PRKCA: variants seen among roughly 807,000 people sequenced by gnomAD.
The protein encoded by PRKCA is protein kinase C alpha type.
A neutral mutation model predicts 87.0 loss-of-function variants in PRKCA; 27 were observed. That is an observed-to-expected ratio of 0.31 (90% CI 0.23 to 0.43). The LOEUF (loss-of-function observed/expected upper bound fraction) is 0.43. PRKCA is among the 20% of genes least tolerant of loss of function. PRKCA has a pLI of 1.00. For synonymous variants in PRKCA, 329 were observed against 311.1 expected (o/e 1.06, Z -0.61); for missense variants, 518 against 852.3 (o/e 0.61, Z 4.88).
At chr17:66,468,740 C>T (rs533352274) in intron 2 of PRKCA, among the ~76,000 whole-genome samples, 2 of 152,062 alleles carry the variant, frequency 1.3e-5, no homozygotes, top group African/African-American at 4.8e-5. Flanking sequence ...GTGGGAGGGG[C>T]GAGAGCTAAC....
At chr17:66,325,916 T>C (rs1905953378) in intron 2 of PRKCA, among the ~76,000 whole-genome samples, 1 of 152,182 alleles carries the variant, frequency 6.6e-6, no homozygotes, top group Non-Finnish European at 1.5e-5. Flanking sequence ...TGTAAAGTTT[T>C]AGGTTTTAGG....
At chr17:66,637,497 TGGAAGTCTAAGGCCATA>T (rs1971177505) in intron 3 of PRKCA, among the ~76,000 whole-genome samples, 1 of 152,160 alleles carries the variant, frequency 6.6e-6, no homozygotes, top group Admixed American at 6.5e-5. Flanking sequence ...TCCCTAATGG[TGGAAGTCTAAGGCCATA>T]CTTCAGACCG....
chr17:66,762,306 A>G (rs928894629), intron 13 of PRKCA, among the ~76,000 whole-genome samples: 3 of 152,214 alleles, frequency 2.0e-5, no homozygotes, highest in Non-Finnish European at 2.9e-5. Context: ...GTTAGGCAGT[A>G]TGGAGTTATG....
intron 2 of PRKCA, among the ~76,000 whole-genome samples, chr17:66,399,522 G>A (rs1430840497): frequency 8.5e-5 from 13 of 152,210 alleles, no homozygotes; most frequent in Admixed American, 8.5e-4. Context: ...CAGTTTGGTA[G>A]TGTTAAGTAG....
chr17:66,448,571 T>C (rs1488004643), intron 2 of PRKCA, among the ~76,000 whole-genome samples: 1 of 152,142 alleles, frequency 6.6e-6, no homozygotes, highest in African/African-American at 2.4e-5. Flanking sequence ...TATATTAAAA[T>C]AAAGTCACAC....
In PRKCA at chr17:66,564,024, T is replaced by C. The variant is rs8067219; in HGVS notation, c.288+67741T>C. ...CTTCCTCCTTTCTTTCTCTCTCTCT[T>C]TCTTTCTTCCTCTCTTCCTTCCTTT... On this transcript the variant is annotated intron_variant, in intron 3 of 16. Transcript: ENST00000413366. Among the ~76,000 whole-genome samples, 619 of 135,278 alleles carry C rather than the reference T, an allele frequency of 4.6e-3. 6 individuals carry two copies. Among genetic ancestry groups the C allele is most frequent in the Middle Eastern group, 0.022 (6 of 270 alleles). 88.7% of individuals were successfully genotyped at this position (135,278 alleles called of 152,430 possible).
At chr17:66,671,972 ATCT>A (rs1313509035) in intron 5 of PRKCA, among the ~76,000 whole-genome samples, 1 of 152,230 alleles carries the variant, frequency 6.6e-6, no homozygotes, top group Non-Finnish European at 1.5e-5. Flanking sequence ...AATAAATGAG[ATCT>A]TCTTTCACAC....
Position 66,803,964 on chromosome 17 carries a change from A to G in PRKCA, c.1946A>G (p.Asp649Gly). 1 of 1,613,964 alleles carries G rather than the reference A, an allele frequency of 6.2e-7. No homozygotes were observed. Among genetic ancestry groups the G allele is most frequent in the African/African-American group, 1.3e-5 (1 of 74,996 alleles). The change falls in exon 17 of 17, where the codon GAC becomes GGC. Residue 649 changes from aspartate (D) to glycine (G), a missense_variant. By Grantham distance (94) the Asp-to-Gly change is moderately conservative. Coordinates refer to ENST00000413366, the MANE Select transcript of PRKCA (RefSeq NM_002737.3). The surrounding 1 kb of genome is among the most constrained non-coding windows in gnomAD (Gnocchi z 4.4). ...GATCAGCTGGTTATTGCTAACATAGACCAGTCTGATTTTGAAGGGTTCTCG... is the reference window on the plus strand; with the variant it reads ...GATCAGCTGGTTATTGCTAACATAGGCCAGTCTGATTTTGAAGGGTTCTCG... ...PPDQLVIANIDQSDFEGFSYV... is the reference protein window; with the variant it reads ...PPDQLVIANIGQSDFEGFSYV...
At chr17:66,494,616 A>C (rs1916386301) in intron 2 of PRKCA, among the ~76,000 whole-genome samples, 5 of 152,234 alleles carry the variant, frequency 3.3e-5, no homozygotes. Flanking sequence ...ACATGAAATC[A>C]AACCACAGCA....
intron 3 of PRKCA, among the ~76,000 whole-genome samples, chr17:66,569,569 C>CA (rs576422068): frequency 2.2e-4 from 33 of 147,898 alleles, no homozygotes; most frequent in South Asian, 1.1e-3. Flanking sequence ...AACTCCATCT[C>CA]AAAAAAAAAG....
At chr17:66,463,054 G>A (rs533581061) in intron 2 of PRKCA, among the ~76,000 whole-genome samples, 41 of 152,134 alleles carry the variant, frequency 2.7e-4, no homozygotes, top group Non-Finnish European at 4.0e-4. Flanking sequence ...TGGCTTACCC[G>A]GCCTGGAGCA....
chr17:66,545,194 C>T (rs970726787), intron 3 of PRKCA, among the ~76,000 whole-genome samples: 7 of 152,188 alleles, frequency 4.6e-5, no homozygotes, highest in South Asian at 2.1e-4. Context: ...TTTGGGAGGC[C>T]AAGGCGGGCA....
rs552313466 is a variant in PRKCA at position 66,795,544 on chromosome 17, C to G, written c.1854+6565C>G. Among the ~76,000 whole-genome samples the G allele has an allele frequency of 1.2e-4, 18 of 152,336 alleles. No homozygotes were observed. In the East Asian group the frequency reaches 3.5e-3, roughly 29 times the overall value. ...AGTTTTTCCTATTCTTTAATCATTA[C>G]TCTCTCAAATACTTTTCTGCTTAGC... is the stretch of plus-strand genomic sequence containing the variant. On this transcript the variant is annotated intron_variant, in intron 16 of 16. Transcript: ENST00000413366.
At chr17:66,578,869 G>A (rs914769845) in intron 3 of PRKCA, among the ~76,000 whole-genome samples, 14 of 152,168 alleles carry the variant, frequency 9.2e-5, no homozygotes, top group African/African-American at 2.2e-4. Flanking sequence ...TCCCCATGCC[G>A]ACACTCATCT....
chr17:66,448,099 TTAGAA>T (rs1273949740), intron 2 of PRKCA, among the ~76,000 whole-genome samples: 1 of 152,222 alleles, frequency 6.6e-6, no homozygotes, highest in Non-Finnish European at 1.5e-5. Flanking sequence ...CTTAGGTTCT[TTAGAA>T]TAGAATCGTG....
At chr17:66,644,821 T>G (rs1971409409) in intron 4 of PRKCA, among the ~76,000 whole-genome samples, 1 of 152,056 alleles carries the variant, frequency 6.6e-6, no homozygotes, top group Admixed American at 6.6e-5. Context: ...AAAGAATTCA[T>G]TAGCAAAAAG....
chr17:66,726,075 G>T (rs1276798320), intron 8 of PRKCA, among the ~76,000 whole-genome samples: 2 of 152,134 alleles, frequency 1.3e-5, no homozygotes, highest in Non-Finnish European at 2.9e-5. Flanking sequence ...GGCACCTCGG[G>T]CTCCCTCTGC....
chr17:66,592,788 T>A (rs1969848504), intron 3 of PRKCA, among the ~76,000 whole-genome samples: 1 of 129,670 alleles, frequency 7.7e-6, no homozygotes, highest in Non-Finnish European at 1.8e-5. Context: ...GATTCATTTT[T>A]ATTTATTTAT....
intron 8 of PRKCA, among the ~76,000 whole-genome samples, chr17:66,721,627 C>T (rs1973619602): frequency 6.6e-6 from 1 of 152,040 alleles, no homozygotes; most frequent in African/African-American, 2.4e-5. Context: ...CATCATGGCA[C>T]TAGTGGGAGT....
Sources: gnomAD v4.1 joint callset for allele counts (sites outside exome capture counted in the v4.1 genomes callset) on GRCh38, gnomAD v4.1.1 for gene constraint, Gnocchi (gnomAD v3.1) non-coding constraint, MANE v1.5 for transcripts, NCBI Gene and HGNC (gene_info 2026-07-23, HGNC 2026-07-21) for gene names.